Variants in LSG1 observed in about 807,000 individuals in gnomAD.
The protein encoded by LSG1 is large subunit GTPase 1 homolog.
A neutral mutation model predicts 82.6 loss-of-function variants in LSG1; 55 were observed. The ratio of observed to expected loss-of-function variants is 0.67; its 90% CI spans 0.54 to 0.83. The LOEUF (loss-of-function observed/expected upper bound fraction) is 0.83, where lower values mean the gene tolerates loss of function less well. LSG1 is among the 40% of genes least tolerant of loss of function. LSG1 has a pLI of 0.00. For synonymous variants in LSG1, 272 were observed against 282.5 expected (o/e 0.96, Z 0.37); for missense variants, 809 against 807.9 (o/e 1.00, Z -0.02).
rs113359693 is a variant in LSG1, at chr3:194,669,069, C to T, written c.226+940G>A. On this transcript the variant is annotated intron_variant, in intron 2 of 13. Coordinates refer to ENST00000265245, the MANE Select transcript of LSG1 (RefSeq NM_018385.3). ...GGCAAATAGGAGGATACTGGTCAAA[C>T]GGTAAAGTTTTACTGAGGCAGGATG... Among the ~76,000 whole-genome samples, 678 of 152,220 alleles carry T rather than the reference C, an allele frequency of 4.5e-3. 5 individuals carry two copies. The highest frequency in any genetic ancestry group is 0.016 in the African/African-American group (652 of 41,538).
chr3:194,643,920 C>T (rs1718451764), intron 13 of LSG1, among the ~76,000 whole-genome samples: 1 of 152,056 alleles, frequency 6.6e-6, no homozygotes, highest in Non-Finnish European at 1.5e-5. Flanking sequence ...GTTTAAGATA[C>T]CACGCTAAAT....
At position 194,648,709 on chromosome 3, in the gene LSG1, T is replaced by A. The variant is rs779905684; in HGVS notation, c.1515A>T (p.Thr505=). 1.2e-6 allele frequency: 2 copies of A among 1,614,172 alleles called. No individual in the cohort carries two copies. Among genetic ancestry groups the A allele is most frequent in the Non-Finnish European group, 1.7e-6 (2 of 1,180,010 alleles). ...CATAAGCTGTCAACAGTTCTTCCGA[T>A]GTTGGAGGTCGGTGGGGATCTTCAT... The part of the protein sequence containing the change: ...REDEDPHRPP[T]SEELLTAYGY... Residue 505 remains threonine, a synonymous_variant, in exon 11 of 14, where the codon ACA becomes ACT. Coordinates refer to ENST00000265245, the MANE Select transcript of LSG1 (RefSeq NM_018385.3).
At chr3:194,647,536 A>G (rs1718578704) in intron 11 of LSG1, among the ~76,000 whole-genome samples, 1 of 152,264 alleles carries the variant, frequency 6.6e-6, no homozygotes, top group Non-Finnish European at 1.5e-5. Context: ...ATGGACTTGC[A>G]GATAGTGAAC....
chr3:194,668,299 T>C (rs1037923070), intron 2 of LSG1, among the ~76,000 whole-genome samples: 14 of 151,990 alleles, frequency 9.2e-5, no homozygotes, highest in African/African-American at 2.4e-4. Flanking sequence ...TACCCAGGAG[T>C]GGGACTGCTG....
At chr3:194,645,539 C>CACACACACAG (rs1718516360) in intron 12 of LSG1, 2 of 32,386 alleles carry the variant, frequency 6.2e-5, no homozygotes, top group African/African-American at 1.0e-4. Flanking sequence ...CAGACAGACA[C>CACACACACAG]ACACACACAC....
At chr3:194,670,156 A>G in intron 1 of LSG1, 21 bp from the exon 2 acceptor site, 2 of 1,612,332 alleles carry the variant, frequency 1.2e-6, no homozygotes, top group Non-Finnish European at 8.5e-7. Context: ...ACACAGGGTG[A>G]TAAATACAGC....
In LSG1 at chr3:194,642,156, T is replaced by G. The variant is rs1244328487; in HGVS notation, c.1889A>C (p.Glu630Ala). 1.2e-6 allele frequency: 2 copies of G among 1,613,966 alleles called. No homozygotes were observed. Among genetic ancestry groups the G allele is most frequent in the East Asian group, 4.5e-5 (2 of 44,896 alleles). Residue 630 changes from glutamate (E) to alanine (A), a missense_variant, in exon 14 of 14, where the codon GAG (glutamate) becomes GCG (alanine). Physicochemically the swap from Glu to Ala is moderately radical, Grantham distance 107. Transcript: ENST00000265245. ...GVVTASTASS[E>A]NGAGKPWKKH... ...TTTCCAGGGCTTCCCCGCCCCGTTC[T>G]CAGAGCTCGCAGTGGATGCAGTCAC...
At chr3:194,671,047 A>T (rs1374641267) in intron 1 of LSG1, among the ~76,000 whole-genome samples, 1 of 152,210 alleles carries the variant, frequency 6.6e-6, no homozygotes, top group Non-Finnish European at 1.5e-5. Context: ...GTGAGTTATG[A>T]TCACACCACT....
chr3:194,653,092 A>C lies in LSG1; in HGVS notation c.810T>G (p.His270Gln), dbSNP rs1318681605. Reference sequence around the variant, plus strand: ...AAATTTCAGCCTGGTCGAAACTGGAATGTCCAAACTTGGTTGTGTTGCTTT... The same window carrying C: ...AAATTTCAGCCTGGTCGAAACTGGACTGTCCAAACTTGGTTGTGTTGCTTT... ...DRQSNTTKFGHSSFDQAEISH... is the reference protein window; with the variant it reads ...DRQSNTTKFGQSSFDQAEISH... The change falls in exon 8 of 14, where the codon CAT (histidine) becomes CAG (glutamine). Residue 270 changes from histidine to glutamine, a missense_variant. Physicochemically the swap from His to Gln is conservative, Grantham distance 24 (BLOSUM62 0). Transcript: ENST00000265245. 1 of 1,614,206 alleles carries C rather than the reference A, an allele frequency of 6.2e-7. No homozygotes were observed. The highest frequency in any genetic ancestry group is 8.5e-7 in the Non-Finnish European group (1 of 1,180,028).
intron 2 of LSG1, among the ~76,000 whole-genome samples, chr3:194,667,940 AAAATAT>A (rs1441847298): frequency 3.9e-5 from 4 of 102,056 alleles, no homozygotes; most frequent in African/African-American, 2.4e-4. Flanking sequence ...AAAAAAAAAA[AAAATAT>A]ATATATATAT....
intron 2 of LSG1, 126 bp from the exon 3 acceptor site, chr3:194,666,698 T>G (rs1210006887): frequency 6.7e-6 from 5 of 744,254 alleles, no homozygotes; most frequent in African/African-American, 1.7e-5. Context: ...TTGATTTAGA[T>G]TCTTCTAGCC....
intron 13 of LSG1, among the ~76,000 whole-genome samples, chr3:194,642,494 C>T (rs1560217998): frequency 6.6e-6 from 1 of 151,714 alleles, no homozygotes; most frequent in African/African-American, 2.4e-5. Context: ...TACAACTAGA[C>T]TTAATACCAG....
intron 7 of LSG1, among the ~76,000 whole-genome samples, chr3:194,655,180 G>A (rs1718766399): frequency 6.6e-6 from 1 of 152,140 alleles, no homozygotes; most frequent in Non-Finnish European, 1.5e-5. Flanking sequence ...TGTTAATCCA[G>A]ACACTGACAT....
intron 5 of LSG1, 85 bp downstream of exon 5, chr3:194,665,470 CCT>C: frequency 1.2e-6 from 1 of 861,260 alleles, no homozygotes; most frequent in Admixed American, 2.3e-5. Flanking sequence ...ATTCCCATAC[CCT>C]GAGCCTATAA....
intron 1 of LSG1, chr3:194,671,848 T>A (rs1480614100): frequency 1.7e-6 from 1 of 603,778 alleles, no homozygotes; most frequent in African/African-American, 1.9e-5. Context: ...CCACGCCTCA[T>A]CACCACACTA....
chr3:194,668,539 A>G (rs1719078820), intron 2 of LSG1, among the ~76,000 whole-genome samples: 1 of 152,084 alleles, frequency 6.6e-6, no homozygotes, highest in Non-Finnish European at 1.5e-5. Flanking sequence ...TTTCACTTAC[A>G]CTACCCTCTC....
At position 194,642,158 on chromosome 3, in the gene LSG1, A is replaced by G. The variant is rs1718409893; in HGVS notation, c.1887T>C (p.Ser629=). 1.2e-6 allele frequency: 2 copies of G among 1,613,874 alleles called. No homozygotes were observed. Among genetic ancestry groups the G allele is most frequent in the Non-Finnish European group, 1.7e-6 (2 of 1,179,990 alleles). Residue 629 remains serine (S), a synonymous_variant, in exon 14 of 14, where the codon TCT becomes TCC. Transcript: ENST00000265245. ...SGVVTASTAS[S]ENGAGKPWKK... ...TCCAGGGCTTCCCCGCCCCGTTCTC[A>G]GAGCTCGCAGTGGATGCAGTCACTA...
At position 194,645,555 on chromosome 3, in the gene LSG1, C is replaced by CACACACACAG. The variant is rs1560219763; in HGVS notation, c.1623+608_1623+609insCTGTGTGTGT. On this transcript the variant is annotated intron_variant, in intron 12 of 13. Coordinates refer to ENST00000265245, the MANE Select transcript of LSG1 (RefSeq NM_018385.3). Reference sequence around the variant, plus strand: ...AGACAGACACACACACACACACACACACACACACACACACAGACAGACACA... The same window carrying CACACACACAG: ...AGACAGACACACACACACACACACACACACACACAGACACACACACACACAGACAGACACA... Among the ~76,000 whole-genome samples the CACACACACAG allele has an allele frequency of 1.2e-3, 53 of 44,540 alleles. 2 individuals are homozygous for CACACACACAG. Among genetic ancestry groups the CACACACACAG allele is most frequent in the African/African-American group, 3.6e-3 (50 of 13,958 alleles). The allele number at this position is 44,540 out of a possible 152,430, so 29.2% of individuals were successfully genotyped here.
intron 10 of LSG1, among the ~76,000 whole-genome samples, chr3:194,649,441 T>G (rs1030148128): frequency 2.6e-5 from 4 of 151,370 alleles, no homozygotes; most frequent in Non-Finnish European, 5.9e-5. Context: ...CCCAGCATTT[T>G]GGGAGGTCGA....
Sources: allele counts gnomAD v4.1 joint callset (sites outside exome capture counted in the v4.1 genomes callset), GRCh38; gene constraint gnomAD v4.1.1; transcripts MANE v1.5; gene names NCBI Gene and HGNC (gene_info 2026-07-23, HGNC 2026-07-21).